Variants in MYO16 observed in about 807,000 individuals in gnomAD.
MYO16 encodes myosin XVI.
Under a neutral mutation model 205.3 loss-of-function variants are expected in MYO16, and 94 were observed. The observed-to-expected ratio is 0.46, with a 90% CI of 0.39 to 0.54. The LOEUF (loss-of-function observed/expected upper bound fraction) is 0.54. Among genes scored for constraint, MYO16 ranks in the 20% least tolerant of loss-of-function variants. The probability of loss-of-function intolerance (pLI) is 0.00; values close to 1 mark genes in which losing one functional copy is unlikely to be tolerated. For missense variants in MYO16, 2,315 were observed against 2,387.5 expected (o/e 0.97, Z 0.63); for synonymous variants, 988 against 954.0 (o/e 1.04, Z -0.66).
At chr13:108,692,677 G>A (rs761844267) in intron 2 of MYO16, among the ~76,000 whole-genome samples, 27 of 152,156 alleles carry the variant, frequency 1.8e-4, no homozygotes, top group Admixed American at 2.0e-4. Context: ...CTTCTCTGGG[G>A]ACAACAGTTA....
chr13:108,800,462 T>C (rs967809233), intron 6 of MYO16, among the ~76,000 whole-genome samples: 1 of 152,222 alleles, frequency 6.6e-6, no homozygotes, highest in African/African-American at 2.4e-5. Context: ...TGACCTAGTG[T>C]GCCCTCAGTC....
chr13:108,613,638 T>C (rs1286802175), intron 1 of MYO16, among the ~76,000 whole-genome samples: 3 of 152,060 alleles, frequency 2.0e-5, no homozygotes, highest in African/African-American at 7.2e-5. Context: ...CAGAAACATA[T>C]AGAAAGATTT....
intron 20 of MYO16, among the ~76,000 whole-genome samples, chr13:108,991,928 G>A (rs146250035): frequency 2.1e-4 from 32 of 152,136 alleles, no homozygotes; most frequent in African/African-American, 7.5e-4. Flanking sequence ...TCAAATTCTT[G>A]TTTTTTAAAA....
At chr13:108,792,926 C>T (rs758451713) in intron 5 of MYO16, among the ~76,000 whole-genome samples, 3 of 151,936 alleles carry the variant, frequency 2.0e-5, no homozygotes, top group Non-Finnish European at 4.4e-5. Flanking sequence ...CATTTAAGTA[C>T]TTTAAAATAC....
chr13:108,507,461 G>GT, the MYO16 span, among the ~76,000 whole-genome samples: 2 of 151,942 alleles, frequency 1.3e-5, no homozygotes, highest in Non-Finnish European at 2.9e-5. Context: ...CTTCTGGCCT[G>GT]TAAGATTTCT....
At chr13:108,817,028 C>A (rs1022969208) in intron 7 of MYO16, among the ~76,000 whole-genome samples, 1 of 151,976 alleles carries the variant, frequency 6.6e-6, no homozygotes, top group African/African-American at 2.4e-5. Flanking sequence ...ACTTCAGTGG[C>A]TAAAATTGTT....
At position 109,207,122 on chromosome 13, in the gene MYO16, A is replaced by G; in HGVS notation, c.*286A>G. 2.5e-6 allele frequency: 1 copy of G among 393,736 alleles called. No homozygotes were observed. Among genetic ancestry groups the G allele is most frequent in the Non-Finnish European group, 4.7e-6 (1 of 213,712 alleles). The allele number at this position is 393,736 out of a possible 1,614,324, so 24.4% of individuals were successfully genotyped here. On this transcript the variant is annotated 3_prime_UTR_variant, in exon 35 of 35. Transcript: ENST00000457511. ...AGGTAGCAAGAGAGAGGCTGGGAAA[A>G]GTGTGGACGTGGCCAGAGCGAGAGA...
chr13:108,744,679 A>G (rs951029114), intron 4 of MYO16, among the ~76,000 whole-genome samples: 1 of 152,196 alleles, frequency 6.6e-6, no homozygotes, highest in African/African-American at 2.4e-5. Context: ...TTCATTGTTT[A>G]TCTTACTTCA....
chr13:108,923,098 A>G (rs1261442846), intron 16 of MYO16, among the ~76,000 whole-genome samples: 1 of 152,218 alleles, frequency 6.6e-6, no homozygotes, highest in Non-Finnish European at 1.5e-5. Context: ...AAAACAGGTG[A>G]AAGATTTTGT....
the MYO16 span, among the ~76,000 whole-genome samples, chr13:108,500,853 C>CT: frequency 6.6e-6 from 1 of 152,098 alleles, no homozygotes; most frequent in African/African-American, 2.4e-5. Context: ...CATAAAGTGC[C>CT]TGCTCCTCCC....
intron 6 of MYO16, among the ~76,000 whole-genome samples, chr13:108,801,933 C>T (rs952377613): frequency 6.6e-5 from 10 of 152,128 alleles, no homozygotes; most frequent in African/African-American, 2.2e-4. Flanking sequence ...TTGCTAGGTA[C>T]ACAGTGATTC....
rs527361471 is a variant in MYO16, at chr13:108,874,212, T to A, written c.1425+7970T>A. On this transcript the variant is annotated intron_variant, in intron 12 of 34. Transcript: ENST00000457511. ...GAGTAAATCCTATCAGGTTTTTTTT[T>A]AAAAAGCATCACAATAAAAAAAGAA... Among the ~76,000 whole-genome samples the A allele has an allele frequency of 2.2e-3, 339 of 151,564 alleles. 1 individual carries two copies. The highest frequency in any genetic ancestry group is 6.1e-3 in the African/African-American group (252 of 41,266).
chr13:108,703,618 A>G (rs1177341523), intron 2 of MYO16, among the ~76,000 whole-genome samples: 1 of 152,238 alleles, frequency 6.6e-6, no homozygotes, highest in Non-Finnish European at 1.5e-5. Flanking sequence ...TGAAGGGTGC[A>G]TGAAACATTC....
intron 1 of MYO16, among the ~76,000 whole-genome samples, chr13:108,624,205 T>C (rs539869776): frequency 1.3e-5 from 2 of 152,206 alleles, no homozygotes; most frequent in Non-Finnish European, 1.5e-5. Context: ...AACTTTCAGA[T>C]ATTGTCTTCT....
At chr13:108,608,576 C>T (rs1879049255) in intron 1 of MYO16, among the ~76,000 whole-genome samples, 1 of 152,056 alleles carries the variant, frequency 6.6e-6, no homozygotes, top group Admixed American at 6.6e-5. Context: ...AATACACACA[C>T]GCATACATAT....
chr13:108,800,747 G>T (rs564166530), intron 6 of MYO16, among the ~76,000 whole-genome samples: 2 of 152,102 alleles, frequency 1.3e-5, no homozygotes, highest in African/African-American at 4.8e-5. Flanking sequence ...TATAGCATTA[G>T]CCTCAGCATG....
At chr13:109,078,305 GGC>G (rs1171068505) in intron 27 of MYO16, among the ~76,000 whole-genome samples, 1 of 151,874 alleles carries the variant, frequency 6.6e-6, no homozygotes, top group African/African-American at 2.4e-5. Flanking sequence ...TAGGCATGGT[GGC>G]GCACACCTGT....
intron 4 of MYO16, among the ~76,000 whole-genome samples, chr13:108,744,015 A>G (rs1884986548): frequency 6.6e-6 from 1 of 152,244 alleles, no homozygotes; most frequent in Non-Finnish European, 1.5e-5. Context: ...TTCGTAGAGA[A>G]TAAGTATACA....
chr13:108,576,504 G>A, the MYO16 span, among the ~76,000 whole-genome samples: 3 of 152,124 alleles, frequency 2.0e-5, no homozygotes, highest in African/African-American at 2.4e-5. Flanking sequence ...ATTATATAAA[G>A]CATTGTTATT....
Sources: allele counts gnomAD v4.1 joint callset (sites outside exome capture counted in the v4.1 genomes callset), GRCh38; gene constraint gnomAD v4.1.1; transcripts MANE v1.5; gene names NCBI Gene and HGNC (gene_info 2026-07-23, HGNC 2026-07-21).